Variants in KIF6 observed in about 807,000 individuals in gnomAD.
KIF6 encodes kinesin family member 6.
Under a neutral mutation model 112.7 loss-of-function variants are expected in KIF6, and 106 were observed. The observed-to-expected ratio is 0.94, with a 90% confidence interval of 0.80 to 1.11. The LOEUF (loss-of-function observed/expected upper bound fraction) is 1.11, where lower values mean the gene tolerates loss of function less well. KIF6 is among the 50% of genes least tolerant of loss of function. The probability of loss-of-function intolerance (pLI) is 0.00; values close to 1 mark genes in which losing one functional copy is unlikely to be tolerated. For missense variants in KIF6, 929 were observed against 964.0 expected (o/e 0.96, Z 0.48); for synonymous variants, 339 against 339.9 (o/e 1.00, Z 0.03).
At chr6:39,604,857 C>T (rs745928562) in intron 6 of KIF6, among the ~76,000 whole-genome samples, 19 of 151,842 alleles carry the variant, frequency 1.3e-4, no homozygotes, top group Non-Finnish European at 2.2e-4. Context: ...ATCTATTGGC[C>T]GACTCAAAAA....
chr6:39,443,131 A>ATAATAG (rs1487122420), intron 13 of KIF6, among the ~76,000 whole-genome samples: 6 of 139,510 alleles, frequency 4.3e-5, no homozygotes, highest in Non-Finnish European at 9.2e-5. Flanking sequence ...AATAATAATA[A>ATAATAG]TAATAATAAT....
intron 13 of KIF6, among the ~76,000 whole-genome samples, chr6:39,508,889 A>C (rs1776601167): frequency 6.6e-6 from 1 of 152,158 alleles, no homozygotes; most frequent in Non-Finnish European, 1.5e-5. Flanking sequence ...CCAGCACGGC[A>C]TTTGAGCTCT....
chr6:39,681,042 C>G (rs1479933916), intron 3 of KIF6, among the ~76,000 whole-genome samples: 1 of 151,952 alleles, frequency 6.6e-6, no homozygotes, highest in Non-Finnish European at 1.5e-5. Context: ...AATAAAAGTT[C>G]TTAATAAATG....
intron 16 of KIF6, among the ~76,000 whole-genome samples, chr6:39,368,962 C>T (rs577833127): frequency 3.3e-5 from 5 of 152,258 alleles, no homozygotes; most frequent in South Asian, 2.1e-4. Context: ...TCCAGGTGGT[C>T]GTCTTGGCCA....
At chr6:39,557,430 T>C (rs560852870) in intron 10 of KIF6, among the ~76,000 whole-genome samples, 55 of 152,144 alleles carry the variant, frequency 3.6e-4, no homozygotes, top group Admixed American at 1.2e-3. Context: ...AAAATGACCA[T>C]GAAATTGTTA....
chr6:39,387,491 A>G (rs1767524945), intron 15 of KIF6, among the ~76,000 whole-genome samples: 1 of 152,178 alleles, frequency 6.6e-6, no homozygotes, highest in South Asian at 2.1e-4. Flanking sequence ...AGAATTATGC[A>G]TAGAGAGCGT....
chr6:39,607,304 T>C (rs1266152674), intron 6 of KIF6, among the ~76,000 whole-genome samples: 2 of 152,204 alleles, frequency 1.3e-5, no homozygotes, highest in Admixed American at 6.5e-5. Flanking sequence ...TCATGGTTCA[T>C]GTAATACCAT....
chr6:39,579,619 T>C (rs1446826096), intron 9 of KIF6, among the ~76,000 whole-genome samples: 1 of 152,088 alleles, frequency 6.6e-6, no homozygotes, highest in Non-Finnish European at 1.5e-5. Flanking sequence ...GTTGTACTTT[T>C]GTGTCATTTG....
At chr6:39,553,369 G>A (rs1051654781) in intron 10 of KIF6, among the ~76,000 whole-genome samples, 1 of 152,156 alleles carries the variant, frequency 6.6e-6, no homozygotes, top group Non-Finnish European at 1.5e-5. Context: ...CAGTCATGTA[G>A]TACCTCAAAT....
chr6:39,400,998 G>A (rs2150339057), intron 15 of KIF6, among the ~76,000 whole-genome samples: 1 of 152,374 alleles, frequency 6.6e-6, no homozygotes, highest in South Asian at 2.1e-4. Context: ...CAATGTGGCA[G>A]TGTTTAGAGG....
chr6:39,554,276 A>G (rs1779561208), intron 10 of KIF6: 1 of 153,404 alleles, frequency 6.5e-6, no homozygotes, highest in African/African-American at 2.4e-5. Context: ...CATACTGGCC[A>G]CACAGACCCT....
rs1160575594 is a variant in KIF6, at chr6:39,335,211, A to C, written c.*1321T>G. 1 of 152,124 alleles carries C rather than the reference A, an allele frequency of 6.6e-6. No homozygotes were observed. Among genetic ancestry groups the C allele is most frequent in the Non-Finnish European group, 1.5e-5 (1 of 68,034 alleles). 9.4% of individuals were successfully genotyped at this position (152,124 alleles called of 1,614,324 possible). ...GATGCAGAAAAAATGGTAATGGGAT[A>C]GGGGATAACTAGGGGGTGACTCGAG... On this transcript the variant is annotated 3_prime_UTR_variant, in exon 23 of 23. Coordinates refer to ENST00000287152, the MANE Select transcript of KIF6 (RefSeq NM_145027.6).
At chr6:39,365,140 G>T (rs1295743059) in intron 16 of KIF6, among the ~76,000 whole-genome samples, 4 of 152,072 alleles carry the variant, frequency 2.6e-5, no homozygotes, top group African/African-American at 9.7e-5. Flanking sequence ...TGTGTCTTTT[G>T]TGTCATTAGC....
chr6:39,504,377 C>T (rs1776319806), intron 13 of KIF6, among the ~76,000 whole-genome samples: 2 of 152,100 alleles, frequency 1.3e-5, no homozygotes, highest in African/African-American at 4.8e-5. Context: ...ATATGACAGA[C>T]CCACAGACAA....
At chr6:39,511,251 A>G (rs776214055) in intron 13 of KIF6, among the ~76,000 whole-genome samples, 3 of 152,218 alleles carry the variant, frequency 2.0e-5, no homozygotes, top group Non-Finnish European at 4.4e-5. Flanking sequence ...ATTTACAAGA[A>G]AAAAACAACC....
At chr6:39,580,775 A>G (rs1481720150) in intron 9 of KIF6, among the ~76,000 whole-genome samples, 1 of 152,216 alleles carries the variant, frequency 6.6e-6, no homozygotes, top group African/African-American at 2.4e-5. Flanking sequence ...GTGAACATCC[A>G]TGTACCCTGT....
chr6:39,675,815 G>A (rs1004345556), intron 3 of KIF6, among the ~76,000 whole-genome samples: 2 of 151,732 alleles, frequency 1.3e-5, no homozygotes, highest in African/African-American at 4.8e-5. Context: ...TAAAAATGAA[G>A]ATATCACCAT....
chr6:39,544,414 G>T, intron 12 of KIF6, 141 bp downstream of exon 12: 1 of 755,768 alleles, frequency 1.3e-6, no homozygotes, highest in Non-Finnish European at 2.0e-6. Context: ...TTGCTGAAGG[G>T]ACCTTTGACT....
At chr6:39,610,136 T>G (rs1157020623) in intron 6 of KIF6, among the ~76,000 whole-genome samples, 1 of 152,170 alleles carries the variant, frequency 6.6e-6, no homozygotes, top group African/African-American at 2.4e-5. Flanking sequence ...ACAAAAAAAG[T>G]ATCAAGTTAT....
Sources: gnomAD v4.1 joint callset for allele counts (sites outside exome capture counted in the v4.1 genomes callset) on GRCh38, gnomAD v4.1.1 for gene constraint, MANE v1.5 for transcripts, NCBI Gene and HGNC (gene_info 2026-07-23, HGNC 2026-07-21) for gene names.